GLI3: variants seen among roughly 807,000 people sequenced by gnomAD.
GLI3 encodes the protein transcription activator GLI3.
In GLI3, 20 loss-of-function variants were observed where a neutral mutation model predicts 100.8. The observed-to-expected ratio is 0.20, with a 90% CI of 0.14 to 0.29. The LOEUF is 0.29. GLI3 is among the 10% of genes least tolerant of loss of function. The probability of loss-of-function intolerance (pLI) is 1.00; values close to 1 mark genes in which losing one functional copy is unlikely to be tolerated. For synonymous variants in GLI3, 938 were observed against 860.5 expected, an observed-to-expected ratio of 1.09 and a Z score of -1.58; for missense variants, 2,040 against 2,128.5, an observed-to-expected ratio of 0.96 and a Z score of 0.82.
intron 10 of GLI3, among the ~76,000 whole-genome samples, chr7:41,998,224 A>T (rs550912813): frequency 6.6e-6 from 1 of 152,272 alleles, no homozygotes; most frequent in South Asian, 2.1e-4. Context: ...TGGCTGAAGT[A>T]ATCAATATAT....
intron 3 of GLI3, chr7:42,113,312 A>G: frequency 1.6e-6 from 1 of 614,044 alleles, no homozygotes; most frequent in Non-Finnish European, 3.0e-6. Flanking sequence ...CAAAGCCCGC[A>G]CACCACCACA....
chr7:42,190,970 TA>T (rs913337866), intron 2 of GLI3, among the ~76,000 whole-genome samples: 4 of 151,930 alleles, frequency 2.6e-5, no homozygotes, highest in Admixed American at 1.3e-4. Context: ...ATACTTTTTT[TA>T]AAAAAAAGAA....
At chr7:42,107,670 T>C (rs1325749938) in intron 3 of GLI3, among the ~76,000 whole-genome samples, 5 of 152,014 alleles carry the variant, frequency 3.3e-5, no homozygotes, top group Non-Finnish European at 5.9e-5. Flanking sequence ...TGGGGAGTAT[T>C]TCCTCCACAT....
intron 2 of GLI3, among the ~76,000 whole-genome samples, chr7:42,185,947 C>A (rs1787708803): frequency 1.3e-5 from 2 of 152,360 alleles, no homozygotes; most frequent in Admixed American, 1.3e-4. Context: ...TTGGCACACA[C>A]TGGGCCTATT....
At chr7:41,998,736 C>T (rs999339679) in intron 10 of GLI3, among the ~76,000 whole-genome samples, 2 of 152,204 alleles carry the variant, frequency 1.3e-5, no homozygotes, top group East Asian at 3.8e-4. Context: ...ATATTTTCAC[C>T]TCTACATTAC....
chr7:42,214,217 G>C (rs2041046), intron 2 of GLI3, among the ~76,000 whole-genome samples: 135,724 of 152,216 alleles, frequency 0.89, 60,533 homozygotes, highest in Middle Eastern at 0.94. Context: ...CTTTGAGAGG[G>C]AACAAAAGAA....
intron 3 of GLI3, among the ~76,000 whole-genome samples, chr7:42,099,233 C>T (rs563808366): frequency 6.6e-5 from 10 of 152,262 alleles, no homozygotes; most frequent in African/African-American, 2.4e-4. Flanking sequence ...GCCAAAACTT[C>T]GGGTTAGGAA....
rs539382816 is a variant in GLI3, at chr7:41,997,074, G to C, written c.1498-18326C>G. Among the ~76,000 whole-genome samples, 3 of 152,304 alleles carry C rather than the reference G, an allele frequency of 2.0e-5. No individual in the cohort carries two copies. In the South Asian group the frequency reaches 6.2e-4, roughly 32 times the overall value. On this transcript the variant is annotated intron_variant, in intron 10 of 14. Transcript: ENST00000395925. ...GAGAGACACTCCCGTAATCTCAGCT[G>C]TGAGTGGTGTGGGCGTTCACTGTTT... is the stretch of plus-strand genomic sequence containing the variant.
intron 10 of GLI3, among the ~76,000 whole-genome samples, chr7:41,991,664 T>C (rs572455994): frequency 1.3e-5 from 2 of 152,188 alleles, no homozygotes; most frequent in East Asian, 1.9e-4. Flanking sequence ...ATATGAGACA[T>C]AGGCATTGTG....
intron 3 of GLI3, among the ~76,000 whole-genome samples, chr7:42,125,846 G>C (rs1786114018): frequency 6.6e-6 from 1 of 152,148 alleles, no homozygotes; most frequent in African/African-American, 2.4e-5. Context: ...AGATAGGAAA[G>C]CTGCATGTCT....
intron 2 of GLI3, among the ~76,000 whole-genome samples, chr7:42,183,670 G>T (rs75025076): frequency 1.3e-5 from 2 of 152,132 alleles, no homozygotes; most frequent in Non-Finnish European, 2.9e-5. Context: ...CAAGTAAGAT[G>T]TCCTATATTA....
chr7:42,132,306 T>C (rs1003718140), intron 3 of GLI3, among the ~76,000 whole-genome samples: 2 of 151,924 alleles, frequency 1.3e-5, no homozygotes, highest in Non-Finnish European at 2.9e-5. Flanking sequence ...TTCACCATGT[T>C]AGCCAGGATG....
At chr7:42,246,805 C>CTTTTT (rs71006467) in intron 1 of GLI3, among the ~76,000 whole-genome samples, 2,297 of 94,672 alleles carry the variant, frequency 0.024, 376 homozygotes, top group Non-Finnish European at 0.037. Flanking sequence ...ATGATAGAAT[C>CTTTTT]TTTTTTTTTT....
chr7:42,215,190 C>T (rs572742611), intron 2 of GLI3, among the ~76,000 whole-genome samples: 3 of 151,956 alleles, frequency 2.0e-5, no homozygotes, highest in South Asian at 2.1e-4. Flanking sequence ...GTGCTGGAAC[C>T]GTTCTGTGTC....
intron 7 of GLI3, among the ~76,000 whole-genome samples, chr7:42,030,544 G>A (rs1367890313): frequency 3.3e-5 from 5 of 152,098 alleles, no homozygotes; most frequent in African/African-American, 1.2e-4. Context: ...GCACTTCAAT[G>A]GCACAGGACA....
intron 3 of GLI3, among the ~76,000 whole-genome samples, chr7:42,087,828 A>G (rs947057164): frequency 2.0e-5 from 3 of 152,070 alleles, no homozygotes; most frequent in African/African-American, 7.2e-5. Context: ...CACTGGGAGC[A>G]TTAAAAGGCT....
intron 2 of GLI3, among the ~76,000 whole-genome samples, chr7:42,201,962 G>T (rs1788048411): frequency 6.6e-6 from 1 of 151,214 alleles, no homozygotes; most frequent in Non-Finnish European, 1.5e-5. Context: ...TGCGCCTGTA[G>T]TCCCAGCTAC....
intron 4 of GLI3, among the ~76,000 whole-genome samples, chr7:42,061,509 C>A (rs1280159191): frequency 6.6e-6 from 1 of 152,070 alleles, no homozygotes; most frequent in African/African-American, 2.4e-5. Flanking sequence ...ATTAGTGATT[C>A]AATAACTCTC....
chr7:42,013,200 G>A (rs1788667027), intron 10 of GLI3, among the ~76,000 whole-genome samples: 1 of 152,174 alleles, frequency 6.6e-6, no homozygotes, highest in South Asian at 2.1e-4. Context: ...GAAATAAAAT[G>A]TGGTTGACCT....
Sources: gnomAD v4.1 joint callset for allele counts (sites outside exome capture counted in the v4.1 genomes callset) on GRCh38, gnomAD v4.1.1 for gene constraint, MANE v1.5 for transcripts, NCBI Gene and HGNC (gene_info 2026-07-23, HGNC 2026-07-21) for gene names.